The following SOD2 variants were observed in gnomAD, a reference collection of about 807,000 sequenced individuals.
SOD2 encodes the protein superoxide dismutase [Mn], mitochondrial.
Under a neutral mutation model 27.0 loss-of-function variants are expected in SOD2, and 11 were observed. The observed-to-expected ratio is 0.41, with a 90% CI of 0.26 to 0.67. SOD2 has a LOEUF of 0.67. Among genes scored for constraint, SOD2 ranks in the 30% least tolerant of loss-of-function variants. SOD2 has a pLI of 0.34. For missense variants in SOD2, 250 were observed against 274.5 expected (o/e 0.91, Z 0.63); for synonymous variants, 105 against 103.0 (o/e 1.02, Z -0.12).
intron 1 of SOD2, among the ~76,000 whole-genome samples, chr6:159,699,767 T>C (rs6912979): frequency 0.27 from 40,912 of 152,098 alleles, 5,571 homozygotes; most frequent in East Asian, 0.4. Context: ...CATAAGGATC[T>C]TGGCTGGCTG....
At chr6:159,707,967 C>T (rs1002124889) in intron 1 of SOD2, among the ~76,000 whole-genome samples, 35 of 152,216 alleles carry the variant, frequency 2.3e-4, no homozygotes, top group South Asian at 4.1e-4. Context: ...GTTCAACATA[C>T]GCAAACCAAT....
At chr6:159,746,928 C>G (rs1192545878), upstream of SOD2, among the ~76,000 whole-genome samples, 3 of 152,148 alleles carry the variant, frequency 2.0e-5, no homozygotes, top group African/African-American at 7.2e-5. Context: ...GTGCTGTAGA[C>G]TGTTTTAATC....
At chr6:159,749,333 G>A (rs562735446), upstream of SOD2, 19 of 985,512 alleles carry the variant, frequency 1.9e-5, no homozygotes, top group East Asian at 1.1e-4. Flanking sequence ...GAGCTTTGTC[G>A]TTGGTGTTAA....
At chr6:159,730,692 T>C (rs1778511781), upstream of SOD2, among the ~76,000 whole-genome samples, 1 of 152,240 alleles carries the variant, frequency 6.6e-6, no homozygotes, top group Non-Finnish European at 1.5e-5. Flanking sequence ...TTCTAAATAC[T>C]GAGGCTCTGA....
At chr6:159,708,160 T>C (rs1777662988) in intron 1 of SOD2, among the ~76,000 whole-genome samples, 1 of 151,566 alleles carries the variant, frequency 6.6e-6, no homozygotes, top group Non-Finnish European at 1.5e-5. Context: ...ACACCCAATA[T>C]CATACTGAAT....
chr6:159,755,585 G>A (rs1171624081), intron 1 of SOD2: 2 of 1,612,802 alleles, frequency 1.2e-6, no homozygotes, highest in East Asian at 2.2e-5. Flanking sequence ...GGACTCAAGT[G>A]TAAATGTACA....
upstream of SOD2, among the ~76,000 whole-genome samples, chr6:159,694,174 C>CA: frequency 6.6e-6 from 1 of 152,196 alleles, no homozygotes; most frequent in Non-Finnish European, 1.5e-5. Flanking sequence ...AAAAGGACAA[C>CA]AGAGGATTCT....
chr6:159,707,465 A>G (rs1030440258), intron 1 of SOD2, among the ~76,000 whole-genome samples: 1 of 152,188 alleles, frequency 6.6e-6, no homozygotes, highest in Non-Finnish European at 1.5e-5. Context: ...AATACAAACT[A>G]CCATCAGAGA....
chr6:159,683,380 G>A (rs1780043671), intron 4 of SOD2, among the ~76,000 whole-genome samples: 1 of 152,090 alleles, frequency 6.6e-6, no homozygotes, highest in Admixed American at 6.6e-5. Context: ...AGCTACTCAG[G>A]AAGCTGACGC....
intron 1 of SOD2, among the ~76,000 whole-genome samples, chr6:159,711,198 C>G (rs534746448): frequency 1.3e-5 from 1 of 78,588 alleles, no homozygotes; most frequent in Non-Finnish European, 2.5e-5. Context: ...ACAACCACCA[C>G]TCACATTGCT....
upstream of SOD2, chr6:159,730,896 T>G (rs934268069): frequency 2.0e-4 from 31 of 152,194 alleles, no homozygotes; most frequent in African/African-American, 6.7e-4. Context: ...ATCAAACTTT[T>G]TAAAAAGAAC....
chr6:159,754,822 ATAT>A (rs1779945619), intron 1 of SOD2, among the ~76,000 whole-genome samples: 2 of 152,128 alleles, frequency 1.3e-5, no homozygotes, highest in Admixed American at 1.3e-4. Flanking sequence ...GGCCAACTGT[ATAT>A]TATTTTAAGT....
At chr6:159,710,289 A>ATATATATATATATATATATAT (rs1562436098) in intron 1 of SOD2, among the ~76,000 whole-genome samples, 3 of 145,516 alleles carry the variant, frequency 2.1e-5, no homozygotes, top group African/African-American at 7.9e-5. Context: ...ATATATATAT[A>ATATATATATATATATATATAT]AAATACAAAA....
chr6:159,732,020 C>A (rs1164989377), upstream of SOD2, among the ~76,000 whole-genome samples: 1 of 152,006 alleles, frequency 6.6e-6, no homozygotes, highest in Non-Finnish European at 1.5e-5. Flanking sequence ...GTTGTAGAAC[C>A]ACATACCGAT....
upstream of SOD2, among the ~76,000 whole-genome samples, chr6:159,745,413 A>G (rs557990796): frequency 1.1e-3 from 173 of 151,704 alleles, no homozygotes; most frequent in Non-Finnish European, 2.2e-3. Context: ...TATTTCAACT[A>G]TAATGGAACC....
At chr6:159,696,829 G>C (rs1320424490), upstream of SOD2, among the ~76,000 whole-genome samples, 2 of 152,006 alleles carry the variant, frequency 1.3e-5, no homozygotes, top group African/African-American at 4.8e-5. Context: ...ATTGCTTGAG[G>C]CCAGGAGTTT....
chr6:159,718,309 A>G (rs1042843041), intron 1 of SOD2, among the ~76,000 whole-genome samples: 1 of 152,086 alleles, frequency 6.6e-6, no homozygotes, highest in Non-Finnish European at 1.5e-5. Flanking sequence ...TATATACCAC[A>G]TTTTCCTTAT....
Position 159,685,078 on chromosome 6 carries a change from C to A in SOD2, c.344-45G>T, listed in dbSNP as rs5746128. 3.4e-4 allele frequency: 485 copies of A among 1,436,088 alleles called. No homozygotes were observed. The African/African-American group carries it at 5.5e-3, about 16-fold the overall frequency. The allele number at this position is 1,436,088 out of a possible 1,614,324, so 89.0% of individuals were successfully genotyped here. A position where few individuals can be genotyped will look rare whatever the true frequency, so the allele number is the denominator to read the frequency against. On this transcript the variant is annotated intron_variant, in intron 3 of 4. Transcript: ENST00000538183. ...AAACCACCCACAAATGAACAGATTT[C>A]AATAATTACAGTAAAATGTTATATT...
Position 159,682,464 on chromosome 6 carries a change from C to T in SOD2, c.*29G>A, listed in dbSNP as rs1780002085. On this transcript the variant is annotated 3_prime_UTR_variant, in exon 5 of 5. Transcript: ENST00000538183. ...CCACTACAAAAACAGTCATAAAGAG[C>T]TTAACATACTCAGCATAACGATCGT... 6.2e-7 allele frequency: 1 copy of T among 1,604,722 alleles called. No individual in the cohort carries two copies. Among genetic ancestry groups the T allele is most frequent in the Non-Finnish European group, 8.5e-7 (1 of 1,175,054 alleles).
Sources: gnomAD v4.1 joint callset for allele counts (sites outside exome capture counted in the v4.1 genomes callset) on GRCh38, gnomAD v4.1.1 for gene constraint, MANE v1.5 for transcripts, NCBI Gene and HGNC (gene_info 2026-07-23, HGNC 2026-07-21) for gene names.